The following ATXN2 variants were observed in gnomAD, a reference collection of about 807,000 sequenced individuals.
The protein encoded by ATXN2 is ataxin-2.
In ATXN2, 37 loss-of-function variants were observed where a neutral mutation model predicts 138.6. That is an observed-to-expected ratio of 0.27 (90% confidence interval 0.21 to 0.35). ATXN2 has a LOEUF of 0.35. Ranked by LOEUF, ATXN2 falls within the 10% of genes least tolerant of loss-of-function variation. The pLI, the probability that ATXN2 is intolerant of heterozygous loss-of-function variation, is 1.00. For missense variants in ATXN2, 1,216 were observed against 1,480.3 expected, an observed-to-expected ratio of 0.82 and a Z score of 2.93; for synonymous variants, 549 against 543.7, an observed-to-expected ratio of 1.01 and a Z score of -0.13.
intron 21 of ATXN2, among the ~76,000 whole-genome samples, chr12:111,463,914 G>A (rs1474624508): frequency 6.6e-6 from 1 of 152,174 alleles, no homozygotes; most frequent in African/African-American, 2.4e-5. Context: ...AGCCTCCCTA[G>A]TAGCTGAGAT....
intron 1 of ATXN2, among the ~76,000 whole-genome samples, chr12:111,584,377 C>CA (rs58678794): frequency 0.012 from 515 of 44,720 alleles, 97 homozygotes; most frequent in Middle Eastern, 0.083. Context: ...GACCCTGTCT[C>CA]AAAAAAAAAA....
intron 5 of ATXN2, among the ~76,000 whole-genome samples, chr12:111,542,848 C>T (rs757231719): frequency 7.2e-5 from 11 of 151,974 alleles, no homozygotes; most frequent in Non-Finnish European, 1.3e-4. Context: ...TATCGTTTGT[C>T]CAAATAAAAT....
intron 1 of ATXN2, among the ~76,000 whole-genome samples, chr12:111,584,377 C>CAAAAAAAAAAAAAAAAAA (rs58678794): frequency 1.1e-4 from 5 of 44,746 alleles, no homozygotes; most frequent in African/African-American, 2.9e-4. Flanking sequence ...GACCCTGTCT[C>CAAAAAAAAAAAAAAAAAA]AAAAAAAAAA....
intron 20 of ATXN2, among the ~76,000 whole-genome samples, chr12:111,467,364 C>G (rs767050502): frequency 3.9e-4 from 50 of 129,280 alleles, no homozygotes; most frequent in Non-Finnish European, 6.1e-4. Flanking sequence ...GCCATCTTGC[C>G]TAGACTGGTC....
chr12:111,534,864 G>T (rs185098577), intron 5 of ATXN2, among the ~76,000 whole-genome samples: 71 of 152,288 alleles, frequency 4.7e-4, no homozygotes, highest in Non-Finnish European at 6.2e-4. Flanking sequence ...TCTGGGCATG[G>T]TGACTCACAC....
chr12:111,455,068 T>G (rs1250293797), intron 23 of ATXN2: 1 of 703,022 alleles, frequency 1.4e-6, no homozygotes, highest in Non-Finnish European at 2.6e-6. Context: ...GAGAGATAGA[T>G]CCAACTGAGT....
chr12:111,597,187 C>A (rs1884980437), intron 1 of ATXN2, among the ~76,000 whole-genome samples: 2 of 152,064 alleles, frequency 1.3e-5, no homozygotes, highest in Non-Finnish European at 2.9e-5. Flanking sequence ...GTCAAATAAC[C>A]GACTGTTTCC....
At chr12:111,572,062 A>G (rs1883350454) in intron 1 of ATXN2, among the ~76,000 whole-genome samples, 1 of 151,614 alleles carries the variant, frequency 6.6e-6, no homozygotes, top group Admixed American at 6.6e-5. Flanking sequence ...ACGTGCAAAC[A>G]TACACAAAAA....
chr12:111,589,858 G>A (rs1884561189), intron 1 of ATXN2, among the ~76,000 whole-genome samples: 1 of 151,416 alleles, frequency 6.6e-6, no homozygotes, highest in Admixed American at 6.6e-5. Flanking sequence ...ACTCGAGGTT[G>A]CAATGAGCCA....
chr12:111,464,989 G>A (rs1436118113), intron 20 of ATXN2, among the ~76,000 whole-genome samples: 1 of 152,046 alleles, frequency 6.6e-6, no homozygotes, highest in Admixed American at 6.6e-5. Flanking sequence ...CACCAACATG[G>A]CATTCTACTG....
rs761520179 is a variant in ATXN2, at chr12:111,485,840, G to A, written c.2330C>T (p.Ser777Leu). 1 of 1,614,122 alleles carries A rather than the reference G, an allele frequency of 6.2e-7. No homozygotes were observed. The highest frequency in any genetic ancestry group is 8.5e-7 in the Non-Finnish European group (1 of 1,179,988). Residue 777 changes from serine (S) to leucine (L), a missense_variant, in exon 17 of 25, where the codon TCA becomes TTA. By Grantham distance (145) the Ser-to-Leu change is moderately radical (BLOSUM62 -2). This residue lies in a region of ATXN2 where 490 missense variants were observed against 653.5 expected (regional missense o/e 0.75). Coordinates refer to ENST00000673436, the MANE Select transcript of ATXN2 (RefSeq NM_001372574.1). Reference protein sequence around the residue: ...SQPKPSTTPTSPRPQAQPSPS... With the variant: ...SQPKPSTTPTLPRPQAQPSPS... ...GCTAGGTTGTGCTTGAGGCCGAGGT[G>A]AAGTTGGGGTAGTAGAAGGCTTTGG...
Position 111,598,738 on chromosome 12 carries a change from G to T in ATXN2, c.251+46C>A. ...GACGGCGGCGCGGGCCGCGGGGGAGGGGACGCCGGGCCCGGAGCGGAGGGG... is the reference window on the plus strand; with the variant it reads ...GACGGCGGCGCGGGCCGCGGGGGAGTGGACGCCGGGCCCGGAGCGGAGGGG... On this transcript the variant is annotated intron_variant, in intron 1 of 24. Transcript: ENST00000673436. The surrounding 1 kb of genome is among the most constrained non-coding windows in gnomAD (Gnocchi z 4.5). 1 of 1,132,434 alleles carries T rather than the reference G, an allele frequency of 8.8e-7. No individual in the cohort carries two copies. The highest frequency in any genetic ancestry group is 1.1e-6 in the Non-Finnish European group (1 of 919,202). The allele number at this position is 1,132,434 out of a possible 1,614,324, so 70.1% of individuals were successfully genotyped here.
chr12:111,456,328 C>G (rs1386614362), intron 22 of ATXN2, 72 bp from the exon 23 acceptor site: 2 of 1,517,118 alleles, frequency 1.3e-6, no homozygotes, highest in Non-Finnish European at 1.8e-6. Flanking sequence ...ACCCACAAAG[C>G]TAAGCTTTGC....
chr12:111,487,483 C>T (rs1051793721), intron 15 of ATXN2, among the ~76,000 whole-genome samples: 2 of 151,912 alleles, frequency 1.3e-5, no homozygotes, highest in African/African-American at 2.4e-5. Context: ...ATTTTTGAGA[C>T]AGAGTCTCGC....
chr12:111,474,888 G>A (rs149648815), intron 18 of ATXN2, among the ~76,000 whole-genome samples: 283 of 151,020 alleles, frequency 1.9e-3, no homozygotes, highest in Admixed American at 4.0e-3. Context: ...GTTCAAGACC[G>A]GGCTGGCCAA....
At chr12:111,461,885 G>A (rs986463339) in intron 21 of ATXN2, among the ~76,000 whole-genome samples, 1 of 149,296 alleles carries the variant, frequency 6.7e-6, no homozygotes, top group Non-Finnish European at 1.5e-5. Context: ...TCGCACCACT[G>A]CACTCCAGCC....
At chr12:111,584,970 T>C (rs1360960349) in intron 1 of ATXN2, among the ~76,000 whole-genome samples, 1 of 152,118 alleles carries the variant, frequency 6.6e-6, no homozygotes, top group Non-Finnish European at 1.5e-5. Context: ...ATTATTTCAA[T>C]AATGCAATGC....
At chr12:111,531,353 A>G (rs561543266) in intron 5 of ATXN2, among the ~76,000 whole-genome samples, 2 of 152,264 alleles carry the variant, frequency 1.3e-5, no homozygotes, top group South Asian at 4.1e-4. Context: ...TGCTTGAACT[A>G]CTAGGGAGGC....
At chr12:111,480,082 A>C (rs1877121175) in intron 18 of ATXN2, among the ~76,000 whole-genome samples, 2 of 151,936 alleles carry the variant, frequency 1.3e-5, no homozygotes, top group South Asian at 2.1e-4. Context: ...TAGTAAAAGA[A>C]GGCAGATTAC....
Sources: gnomAD v4.1 joint callset for allele counts (sites outside exome capture counted in the v4.1 genomes callset) on GRCh38, gnomAD v4.1.1 for gene constraint, gnomAD v4.1.1 regional missense constraint, Gnocchi (gnomAD v3.1) non-coding constraint, MANE v1.5 for transcripts, NCBI Gene and HGNC (gene_info 2026-07-23, HGNC 2026-07-21) for gene names.